SLC39A11: variants seen among roughly 807,000 people sequenced by gnomAD.
The protein encoded by SLC39A11 is zinc transporter ZIP11.
SLC39A11 carries 33 observed loss-of-function variants against 36.1 expected under a neutral mutation model. That is an observed-to-expected ratio of 0.91 (90% CI 0.69 to 1.22). The LOEUF (loss-of-function observed/expected upper bound fraction) is 1.22, where lower values mean the gene tolerates loss of function less well. Ranked by LOEUF, SLC39A11 falls within the 50% of genes most tolerant of loss-of-function variation. The pLI is 0.00. For synonymous variants in SLC39A11, 166 were observed against 170.3 expected (o/e 0.97, Z 0.20); for missense variants, 432 against 430.3 (o/e 1.00, Z -0.03).
chr17:73,007,619 T>C (rs2090257536), intron 4 of SLC39A11, among the ~76,000 whole-genome samples: 1 of 152,100 alleles, frequency 6.6e-6, no homozygotes, highest in Admixed American at 6.5e-5. Context: ...GAGAACCAGC[T>C]GCAGGAGCTG....
intron 6 of SLC39A11, among the ~76,000 whole-genome samples, chr17:72,845,531 T>C (rs1217942066): frequency 6.6e-6 from 1 of 152,246 alleles, no homozygotes; most frequent in African/African-American, 2.4e-5. Flanking sequence ...AATTTCTTCC[T>C]CTAACACTCT....
At chr17:72,967,880 T>C (rs1415195071) in intron 4 of SLC39A11, among the ~76,000 whole-genome samples, 1 of 152,148 alleles carries the variant, frequency 6.6e-6, no homozygotes, top group Non-Finnish European at 1.5e-5. Context: ...ACAGCAGAGC[T>C]AAGGAGGGCG....
intron 4 of SLC39A11, among the ~76,000 whole-genome samples, chr17:72,967,372 G>GAGAGAGAGAGAGAGAC (rs1295539966): frequency 8.6e-6 from 1 of 116,402 alleles, no homozygotes; most frequent in Non-Finnish European, 1.8e-5. Context: ...AGCATGCTCA[G>GAGAGAGAGAGAGAGAC]AGAGAGAGAG....
intron 6 of SLC39A11, among the ~76,000 whole-genome samples, chr17:72,817,667 G>GA (rs1423920112): frequency 3.3e-5 from 5 of 152,130 alleles, no homozygotes; most frequent in African/African-American, 1.2e-4. Context: ...TTCTAATTGT[G>GA]AAAAATGTAT....
intron 7 of SLC39A11, among the ~76,000 whole-genome samples, chr17:72,730,923 TG>T (rs1230583858): frequency 6.6e-6 from 1 of 152,198 alleles, no homozygotes; most frequent in Non-Finnish European, 1.5e-5. Flanking sequence ...GCGAATTTTT[TG>T]TATTTTTAGT....
At chr17:72,877,047 G>A (rs2080936780) in intron 5 of SLC39A11, among the ~76,000 whole-genome samples, 1 of 152,156 alleles carries the variant, frequency 6.6e-6, no homozygotes, top group Non-Finnish European at 1.5e-5. Context: ...CATAATGTAG[G>A]TTAGTGTCCC....
At position 72,651,490 on chromosome 17, in the gene SLC39A11, C is replaced by T. The variant is rs542953396; in HGVS notation, c.672-2222G>A. 1.6e-4 allele frequency among the ~76,000 whole-genome samples: 25 copies of T among 152,290 alleles called. No homozygotes were observed. In the South Asian group the frequency reaches 5.2e-3, roughly 32 times the overall value. On this transcript the variant is annotated intron_variant, in intron 7 of 9. Transcript: ENST00000255559. ...GCTCTGGAGGAGATCCGGAGCAACA[C>T]AGGACAGGAGTAACAAAACAGGTGG... is the stretch of plus-strand genomic sequence containing the variant.
intron 6 of SLC39A11, among the ~76,000 whole-genome samples, chr17:72,814,261 A>C (rs77380588): frequency 0.011 from 1,727 of 152,242 alleles, 34 homozygotes; most frequent in African/African-American, 0.039. Flanking sequence ...GGACAGTGTT[A>C]CTCTACTGAG....
chr17:72,780,970 C>A (rs59554630), intron 6 of SLC39A11, among the ~76,000 whole-genome samples: 7,968 of 152,086 alleles, frequency 0.052, 666 homozygotes, highest in African/African-American at 0.18. Context: ...CTGGGCAACA[C>A]GAGTGTAATT....
chr17:73,057,143 G>A (rs545979337), intron 3 of SLC39A11, among the ~76,000 whole-genome samples: 69 of 152,140 alleles, frequency 4.5e-4, no homozygotes, highest in Non-Finnish European at 9.1e-4. Flanking sequence ...GTATATACAT[G>A]TATATCAAGA....
intron 7 of SLC39A11, among the ~76,000 whole-genome samples, chr17:72,666,925 T>G (rs1308405924): frequency 6.6e-6 from 1 of 152,178 alleles, no homozygotes; most frequent in East Asian, 1.9e-4. Context: ...GGCATTGAAT[T>G]TATGCAGTGC....
At chr17:73,064,019 G>C (rs2059923909) in intron 3 of SLC39A11, among the ~76,000 whole-genome samples, 1 of 151,990 alleles carries the variant, frequency 6.6e-6, no homozygotes, top group African/African-American at 2.4e-5. Flanking sequence ...GGCTGTCTTG[G>C]TTGATTTCTC....
intron 5 of SLC39A11, among the ~76,000 whole-genome samples, chr17:72,939,129 C>A (rs1435199056): frequency 1.3e-5 from 2 of 152,108 alleles, no homozygotes; most frequent in Non-Finnish European, 2.9e-5. Context: ...GAATACTGTC[C>A]CCCGCCAAAA....
intron 4 of SLC39A11, 40 bp downstream of exon 4, chr17:73,031,516 T>A: frequency 1.2e-6 from 2 of 1,606,662 alleles, no homozygotes; most frequent in Non-Finnish European, 1.7e-6. Flanking sequence ...CAGAGCTGGT[T>A]GTATCCCGAT....
chr17:72,818,512 G>T (rs559134544), intron 6 of SLC39A11, among the ~76,000 whole-genome samples: 26 of 152,242 alleles, frequency 1.7e-4, no homozygotes, highest in African/African-American at 6.3e-4. Context: ...ACTATTTCTT[G>T]AATCAATATA....
At position 72,773,669 on chromosome 17, in the gene SLC39A11, ACACACACACC is replaced by A. The variant is rs916366320; in HGVS notation, c.602-36960_602-36951del. Among the ~76,000 whole-genome samples the A allele has an allele frequency of 6.4e-4, 97 of 151,054 alleles. No homozygotes were observed. In the East Asian group the frequency reaches 0.018, roughly 28 times the overall value. On this transcript the variant is annotated intron_variant, in intron 6 of 9. Transcript: ENST00000255559. ...TACACACACACACACACACACACAC[ACACACACACC>A]CAGTATATAAAGGATATCAGTGTCA...
At chr17:72,768,734 G>GT (rs1263454335) in intron 6 of SLC39A11, among the ~76,000 whole-genome samples, 1 of 150,978 alleles carries the variant, frequency 6.6e-6, no homozygotes, top group Non-Finnish European at 1.5e-5. Flanking sequence ...TTACTTCTTG[G>GT]TTTTTATTTA....
intron 7 of SLC39A11, among the ~76,000 whole-genome samples, chr17:72,657,436 A>G (rs2070183733): frequency 6.6e-6 from 1 of 152,226 alleles, no homozygotes; most frequent in African/African-American, 2.4e-5. Flanking sequence ...GATGGAAGAG[A>G]GAATGGCAAG....
At chr17:72,981,022 C>CAA (rs959533291) in intron 4 of SLC39A11, among the ~76,000 whole-genome samples, 68 of 78,350 alleles carry the variant, frequency 8.7e-4, no homozygotes, top group African/African-American at 2.4e-3. Context: ...GACTCCATCT[C>CAA]AAAAAAAAAA....
Sources: gnomAD v4.1 joint callset for allele counts (sites outside exome capture counted in the v4.1 genomes callset) on GRCh38, gnomAD v4.1.1 for gene constraint, MANE v1.5 for transcripts, NCBI Gene and HGNC (gene_info 2026-07-23, HGNC 2026-07-21) for gene names.